Variants in NMRK1 observed in about 807,000 individuals in gnomAD.
The protein encoded by NMRK1 is nicotinamide riboside kinase 1.
In NMRK1, 28 loss-of-function variants were observed where a neutral mutation model predicts 29.9. That is an observed-to-expected ratio of 0.94 (90% CI 0.69 to 1.28). NMRK1 has a LOEUF of 1.28. Ranked by LOEUF, NMRK1 falls within the 50% of genes most tolerant of loss-of-function variation. The pLI is 0.00. For missense variants in NMRK1, 218 were observed against 233.1 expected (o/e 0.94, Z 0.42); for synonymous variants, 58 against 73.0 (o/e 0.79, Z 1.05).
At chr9:75,073,854 T>C (rs1823836641) in intron 4 of NMRK1, among the ~76,000 whole-genome samples, 1 of 152,230 alleles carries the variant, frequency 6.6e-6, no homozygotes. Flanking sequence ...TGGTATTAGG[T>C]AGATAAAAAT....
At chr9:75,080,833 C>T (rs1338668961) in intron 2 of NMRK1, among the ~76,000 whole-genome samples, 2 of 152,188 alleles carry the variant, frequency 1.3e-5, no homozygotes, top group African/African-American at 2.4e-5. Context: ...CTCTCTTGCT[C>T]CTTCTTCCGC....
At chr9:75,079,620 A>G (rs1218513486) in intron 2 of NMRK1, among the ~76,000 whole-genome samples, 1 of 151,868 alleles carries the variant, frequency 6.6e-6, no homozygotes, top group East Asian at 1.9e-4. Flanking sequence ...GAGAGGGGAG[A>G]AAAAGTATTT....
intron 2 of NMRK1, chr9:75,082,874 T>C: frequency 1.8e-6 from 1 of 544,242 alleles, no homozygotes; most frequent in Non-Finnish European, 3.3e-6. Flanking sequence ...TAAATGTGGT[T>C]GACTGACTCT....
chr9:75,069,224 A>T (rs1823551195), intron 6 of NMRK1, 122 bp from the exon 7 acceptor site: 1 of 631,420 alleles, frequency 1.6e-6, no homozygotes. Flanking sequence ...TTAGGACTAC[A>T]TGTACTACAT....
Position 75,077,554 on chromosome 9 carries a change from A to G in NMRK1, c.56T>C (p.Leu19Pro). ...SGVTNSGKTT[L>P]AKNLQKHLPN... ...GAGGTGTTTCTGCAAATTCTTAGCC[A>G]GTGTTGTTTTGCCACTGTTTGTCAC... The change falls in exon 3 of 9, where the codon CTG becomes CCG. Residue 19 changes from leucine (L) to proline (P), a missense_variant. Coordinates refer to ENST00000361092, the MANE Select transcript of NMRK1 (RefSeq NM_017881.3). 1 of 1,613,752 alleles carries G rather than the reference A, an allele frequency of 6.2e-7. No homozygotes were observed. Among genetic ancestry groups the G allele is most frequent in the Non-Finnish European group, 8.5e-7 (1 of 1,179,668 alleles).
At position 75,061,370 on chromosome 9, in the gene NMRK1, C is replaced by T; in HGVS notation, c.*178G>A. ...GCAACTTGCTAAGGTACAGTCCTGT[C>T]CATTGGCATGGATATTTATTGTTCC... On this transcript the variant is annotated 3_prime_UTR_variant, in exon 9 of 9. Coordinates refer to ENST00000361092, the MANE Select transcript of NMRK1 (RefSeq NM_017881.3). 1 of 612,076 alleles carries T rather than the reference C, an allele frequency of 1.6e-6. No individual in the cohort carries two copies. The highest frequency in any genetic ancestry group is 1.9e-5 in the African/African-American group (1 of 54,018). 37.9% of individuals were successfully genotyped at this position (612,076 alleles called of 1,614,324 possible). A position where few individuals can be genotyped will look rare whatever the true frequency, so the allele number is the denominator to read the frequency against.
chr9:75,069,641 A>G (rs1251609421), intron 6 of NMRK1, 101 bp downstream of exon 6: 7 of 889,126 alleles, frequency 7.9e-6, no homozygotes, highest in Non-Finnish European at 1.2e-5. Context: ...CTGTCTCTGA[A>G]AAATGACGTA....
rs2118320858 is a variant in NMRK1 at position 75,088,075 on chromosome 9, G to A, written c.-103C>T. 1 of 152,986 alleles carries A rather than the reference G, an allele frequency of 6.5e-6. No individual in the cohort carries two copies. The highest frequency in any genetic ancestry group is 1.5e-5 in the Non-Finnish European group (1 of 68,602). 9.5% of individuals were successfully genotyped at this position (152,986 alleles called of 1,614,324 possible). Reference sequence around the variant, plus strand: ...ACAGCCAAGCGCGCGCCTGTACCCAGTGCGCCGCTACCCGCAGCTCGCTCC... The same window carrying A: ...ACAGCCAAGCGCGCGCCTGTACCCAATGCGCCGCTACCCGCAGCTCGCTCC... On this transcript the variant is annotated 5_prime_UTR_variant, in exon 1 of 9. Transcript: ENST00000361092.
rs555546452 is a variant in NMRK1 at position 75,066,979 on chromosome 9, T to C, written c.497-139A>G. The C allele has an allele frequency of 1.1e-4, 60 of 551,796 alleles. 2 individuals are homozygous for C. Among genetic ancestry groups the C allele is most frequent in the Admixed American group, 8.8e-4 (25 of 28,478 alleles). The allele number at this position is 551,796 out of a possible 1,614,324, so 34.2% of individuals were successfully genotyped here. A position where few individuals can be genotyped will look rare whatever the true frequency, so the allele number is the denominator to read the frequency against. On this transcript the variant is annotated intron_variant, in intron 7 of 8. Coordinates refer to ENST00000361092, the MANE Select transcript of NMRK1 (RefSeq NM_017881.3). Reference sequence around the variant, plus strand: ...GGACCATAACTTAAAAGGAAATTAATAGTGATTAAAGAAAGAAATAGATGC... The same window carrying C: ...GGACCATAACTTAAAAGGAAATTAACAGTGATTAAAGAAAGAAATAGATGC...
At chr9:75,081,347 C>A (rs1382433719) in intron 2 of NMRK1, among the ~76,000 whole-genome samples, 1 of 152,172 alleles carries the variant, frequency 6.6e-6, no homozygotes, top group African/African-American at 2.4e-5. Flanking sequence ...AATCCCAGCA[C>A]TTTGGGAGGC....
intron 1 of NMRK1, among the ~76,000 whole-genome samples, chr9:75,084,476 C>T (rs1824504065): frequency 1.3e-5 from 2 of 152,212 alleles, no homozygotes; most frequent in South Asian, 4.1e-4. Context: ...CTATGTGAGA[C>T]AAGAATCAAT....
chr9:75,088,097 C>G lies in NMRK1; in HGVS notation c.-125G>C, dbSNP rs1325729044. On this transcript the variant is annotated 5_prime_UTR_variant, in exon 1 of 9. Transcript: ENST00000361092. ...CCAGTGCGCCGCTACCCGCAGCTCG[C>G]TCCCCGAGAGGCCCACAGCCCCTTT... 6.5e-6 allele frequency: 1 copy of G among 152,796 alleles called. No individual in the cohort carries two copies. Among genetic ancestry groups the G allele is most frequent in the African/African-American group, 2.4e-5 (1 of 41,470 alleles). The allele number at this position is 152,796 out of a possible 1,614,324, so 9.5% of individuals were successfully genotyped here. A position where few individuals can be genotyped will look rare whatever the true frequency, so the allele number is the denominator to read the frequency against.
chr9:75,077,076 C>G, intron 4 of NMRK1, 83 bp downstream of exon 4: 1 of 801,582 alleles, frequency 1.2e-6, no homozygotes. Flanking sequence ...ACAGAACCAT[C>G]AACTTCAACA....
intron 2 of NMRK1, chr9:75,078,603 A>C: frequency 8.2e-7 from 1 of 1,220,456 alleles, no homozygotes; most frequent in Non-Finnish European, 1.0e-6. Flanking sequence ...AAGTCAGGGC[A>C]TCTGTGAACT....
chr9:75,076,093 G>T (rs1164740901), intron 4 of NMRK1, among the ~76,000 whole-genome samples: 1 of 152,154 alleles, frequency 6.6e-6, no homozygotes, highest in African/African-American at 2.4e-5. Flanking sequence ...CAAAATAAAA[G>T]AAATCAATAT....
At position 75,071,055 on chromosome 9, in the gene NMRK1, T is replaced by C. The variant is rs73544551; in HGVS notation, c.170-1013A>G. Among the ~76,000 whole-genome samples the C allele has an allele frequency of 2.1e-3, 324 of 152,222 alleles. 2 individuals are homozygous for C. The highest frequency in any genetic ancestry group is 7.4e-3 in the African/African-American group (307 of 41,560). On this transcript the variant is annotated intron_variant, in intron 4 of 8. Transcript: ENST00000361092. ...TGAAGTTTTATGTCTTAAACCAAAT[T>C]TGAGAAGTTTTTTTTTTAAACCATT...
intron 4 of NMRK1, among the ~76,000 whole-genome samples, chr9:75,073,579 A>T (rs1379975844): frequency 6.1e-5 from 9 of 148,740 alleles, no homozygotes; most frequent in African/African-American, 2.0e-4. Flanking sequence ...AATCTACTTT[A>T]AAAAAAAAAA....
At chr9:75,069,855 C>T in intron 5 of NMRK1, 40 bp downstream of exon 5, 4 of 1,611,718 alleles carry the variant, frequency 2.5e-6, no homozygotes, top group African/African-American at 1.3e-5. Context: ...TTTTTATCCC[C>T]CCATTCACTC....
intron 4 of NMRK1, among the ~76,000 whole-genome samples, chr9:75,072,577 T>C (rs1823761013): frequency 6.6e-6 from 1 of 152,214 alleles, no homozygotes; most frequent in Non-Finnish European, 1.5e-5. Flanking sequence ...ATATAATTGG[T>C]CAAAATTTCA....
Sources: gnomAD v4.1 joint callset for allele counts (sites outside exome capture counted in the v4.1 genomes callset) on GRCh38, gnomAD v4.1.1 for gene constraint, MANE v1.5 for transcripts, NCBI Gene and HGNC (gene_info 2026-07-23, HGNC 2026-07-21) for gene names.